The following PKIG variants were observed in gnomAD, a reference collection of about 807,000 sequenced individuals.
PKIG encodes cAMP-dependent protein kinase inhibitor gamma.
In PKIG, 1 loss-of-function variant was observed where a neutral mutation model predicts 6.8. That is an observed-to-expected ratio of 0.15 (90% confidence interval 0.05 to 0.69). PKIG has a LOEUF of 0.69. PKIG is among the 30% of genes least tolerant of loss of function. The probability of loss-of-function intolerance (pLI) is 0.82; values close to 1 mark genes in which losing one functional copy is unlikely to be tolerated. For missense variants in PKIG, 77 were observed against 104.0 expected, an observed-to-expected ratio of 0.74 and a Z score of 1.13; for synonymous variants, 39 against 43.0, an observed-to-expected ratio of 0.91 and a Z score of 0.36.
At chr20:44,547,389 G>A (rs1435288898) in intron 1 of PKIG, among the ~76,000 whole-genome samples, 1 of 152,244 alleles carries the variant, frequency 6.6e-6, no homozygotes, top group Non-Finnish European at 1.5e-5. Context: ...TAGGATAAGG[G>A]TAGAGAGAAT....
intron 1 of PKIG, among the ~76,000 whole-genome samples, chr20:44,564,911 A>G (rs893574060): frequency 6.6e-6 from 1 of 152,248 alleles, no homozygotes; most frequent in African/African-American, 2.4e-5. Flanking sequence ...TAAACCTCTC[A>G]GACCTTTGAG....
upstream of PKIG, among the ~76,000 whole-genome samples, chr20:44,579,741 G>C (rs142600419): frequency 2.0e-5 from 3 of 152,176 alleles, no homozygotes; most frequent in African/African-American, 7.2e-5. Flanking sequence ...GAATTATTCC[G>C]TTCACAAGGG....
At chr20:44,557,452 G>A (rs1055941244) in intron 1 of PKIG, among the ~76,000 whole-genome samples, 13 of 150,902 alleles carry the variant, frequency 8.6e-5, no homozygotes, top group Non-Finnish European at 1.8e-4. Flanking sequence ...CGTGAACCTG[G>A]GAGGCAGAGG....
At position 44,564,994 on chromosome 20, in the gene PKIG, T is replaced by C. The variant is rs546885511; in HGVS notation, c.-240-17591T>C. ...AAAAATAAAGAAAATCAGCAATTCT[T>C]TTTCTTCATTAGGACGTGTTGACCT... On this transcript the variant is annotated intron_variant, in intron 1 of 4. Coordinates refer to the PKIG transcript ENST00000372887. 5.3e-5 allele frequency among the ~76,000 whole-genome samples: 8 copies of C among 152,318 alleles called. No individual in the cohort carries two copies. In the South Asian group the frequency reaches 1.2e-3, roughly 24 times the overall value.
At position 44,607,359 on chromosome 20, in the gene PKIG, G is replaced by GTA. The variant is rs1265371034; in HGVS notation, c.-23-7157_-23-7156dup. Among the ~76,000 whole-genome samples, 235 of 128,970 alleles carry GTA rather than the reference G, an allele frequency of 1.8e-3. 1 individual carries two copies. Among genetic ancestry groups the GTA allele is most frequent in the Middle Eastern group, 7.8e-3 (2 of 256 alleles). 84.6% of individuals were successfully genotyped at this position (128,970 alleles called of 152,430 possible). A position where few individuals can be genotyped will look rare whatever the true frequency, so the allele number is the denominator to read the frequency against. ...TGTGTGTGTATATGTGTGTGTGTGT[G>GTA]TATATATATATATATATATTTTTTT... is the stretch of plus-strand genomic sequence containing the variant. On this transcript the variant is annotated intron_variant, in intron 2 of 3. Coordinates refer to ENST00000372886, the MANE Select transcript of PKIG (RefSeq NM_001281445.2).
intron 2 of PKIG, among the ~76,000 whole-genome samples, chr20:44,606,612 C>T (rs2065165650): frequency 6.6e-6 from 1 of 152,134 alleles, no homozygotes; most frequent in Admixed American, 6.5e-5. Context: ...AGTTCAAGAC[C>T]AGCCTGGCCA....
intron 1 of PKIG, among the ~76,000 whole-genome samples, chr20:44,562,964 C>T (rs1472813053): frequency 2.6e-5 from 4 of 151,946 alleles, no homozygotes; most frequent in African/African-American, 4.8e-5. Context: ...GCAGGAGAAT[C>T]GCTTGAACCC....
chr20:44,593,076 A>C (rs1427208036), intron 2 of PKIG, among the ~76,000 whole-genome samples: 1 of 151,890 alleles, frequency 6.6e-6, no homozygotes, highest in Admixed American at 6.6e-5. Flanking sequence ...GGTGACTCAC[A>C]CCTGTAATTC....
chr20:44,567,204 A>G (rs999539538), intron 1 of PKIG, among the ~76,000 whole-genome samples: 2 of 152,192 alleles, frequency 1.3e-5, no homozygotes, highest in African/African-American at 4.8e-5. Context: ...GGGGAAAGCC[A>G]TCTAACTACA....
At chr20:44,559,144 C>T (rs1267447240) in intron 1 of PKIG, among the ~76,000 whole-genome samples, 1 of 152,120 alleles carries the variant, frequency 6.6e-6, no homozygotes, top group Non-Finnish European at 1.5e-5. Flanking sequence ...TTAAAAGGTG[C>T]AGAATATTTA....
At chr20:44,567,493 A>G (rs145739753) in intron 1 of PKIG, among the ~76,000 whole-genome samples, 5 of 152,072 alleles carry the variant, frequency 3.3e-5, no homozygotes, top group Non-Finnish European at 1.5e-5. Flanking sequence ...TCAGCTATCT[A>G]CTTTGCTCCT....
chr20:44,610,497 C>T (rs1051764623), intron 2 of PKIG, among the ~76,000 whole-genome samples: 22 of 145,538 alleles, frequency 1.5e-4, no homozygotes, highest in African/African-American at 5.8e-4. Context: ...CTCTCTCTCT[C>T]TCTCACACAC....
chr20:44,536,747 A>G (rs867346860), intron 1 of PKIG, among the ~76,000 whole-genome samples: 18 of 152,228 alleles, frequency 1.2e-4, no homozygotes, highest in African/African-American at 2.9e-4. Flanking sequence ...GCTCTTTCCA[A>G]CCATTCTTTA....
At chr20:44,548,289 T>TTA (rs1163239389) in intron 1 of PKIG, among the ~76,000 whole-genome samples, 1 of 152,122 alleles carries the variant, frequency 6.6e-6, no homozygotes, top group Non-Finnish European at 1.5e-5. Flanking sequence ...CCAGAGTGGT[T>TTA]TTCTAGTCTG....
chr20:44,547,982 A>G (rs2064631456), intron 1 of PKIG, among the ~76,000 whole-genome samples: 1 of 152,144 alleles, frequency 6.6e-6, no homozygotes, highest in African/African-American at 2.4e-5. Context: ...GTTCGAGATC[A>G]GCCTGGCCAA....
chr20:44,565,605 T>G (rs2064803891), intron 1 of PKIG, among the ~76,000 whole-genome samples: 1 of 152,212 alleles, frequency 6.6e-6, no homozygotes, highest in Admixed American at 6.5e-5. Context: ...GAACATGGGC[T>G]TATAATTTTC....
chr20:44,581,226 C>A (rs2064945425), upstream of PKIG, among the ~76,000 whole-genome samples: 1 of 152,140 alleles, frequency 6.6e-6, no homozygotes, highest in South Asian at 2.1e-4. Context: ...AATAATGTAG[C>A]CTCATAGCAC....
chr20:44,583,847 C>G (rs1359543443), intron 1 of PKIG, among the ~76,000 whole-genome samples: 1 of 152,082 alleles, frequency 6.6e-6, no homozygotes, highest in Non-Finnish European at 1.5e-5. Context: ...TTTCAGTTTC[C>G]CAGAGTAGCT....
intron 1 of PKIG, among the ~76,000 whole-genome samples, chr20:44,542,751 C>G (rs983341684): frequency 6.6e-6 from 1 of 152,096 alleles, no homozygotes; most frequent in Non-Finnish European, 1.5e-5. Flanking sequence ...CGCCACAATA[C>G]CCAGCTAATT....
Sources: gnomAD v4.1 joint callset for allele counts (sites outside exome capture counted in the v4.1 genomes callset) on GRCh38, gnomAD v4.1.1 for gene constraint, MANE v1.5 for transcripts, NCBI Gene and HGNC (gene_info 2026-07-23, HGNC 2026-07-21) for gene names.